Variants in P2RY8 observed in about 807,000 individuals in gnomAD.
P2RY8 encodes P2Y receptor family member 8.
P2RY8 carries 6 observed loss-of-function variants against 10.0 expected under a neutral mutation model. The observed-to-expected ratio is 0.60, with a 90% CI of 0.33 to 1.19. P2RY8 has a LOEUF of 1.19. P2RY8 is among the 50% of genes most tolerant of loss of function. The pLI is 0.04. For missense variants in P2RY8, 456 were observed against 542.0 expected (o/e 0.84, Z 1.58); for synonymous variants, 276 against 252.5 (o/e 1.09, Z -0.88).
chrX:1,520,016 C>G (rs1435754036), intron 1 of P2RY8, among the ~76,000 whole-genome samples: 1 of 150,988 alleles, frequency 6.6e-6, no homozygotes, highest in African/African-American at 2.4e-5. Context: ...AATAATCTCT[C>G]TGGTCCTCAA....
Position 1,465,999 on chromosome X carries a change from A to C in P2RY8, c.560T>G (p.Val187Gly). Reference protein sequence around the residue: ...DVLKWTMLPSVAMWAVFLFTI... With the variant: ...DVLKWTMLPSGAMWAVFLFTI... Reference sequence around the variant, plus strand: ...GAAGAGGAACACGGCCCACATGGCCACGCTGGGGAGCATCGTCCACTTGAG... The same window carrying C: ...GAAGAGGAACACGGCCCACATGGCCCCGCTGGGGAGCATCGTCCACTTGAG... Residue 187 changes from valine to glycine, a missense_variant, in exon 2 of 2, where the codon GTG becomes GGG. Val to Gly is a moderately radical substitution (Grantham distance 109). Coordinates refer to ENST00000381297, the MANE Select transcript of P2RY8 (RefSeq NM_178129.5). 1 of 1,612,212 alleles carries C rather than the reference A, an allele frequency of 6.2e-7. No individual in the cohort carries two copies.
rs1307304416 is a variant in P2RY8, at chrX:1,463,768, G to T, written c.*1711C>A. The stretch of plus-strand genomic sequence containing the variant: ...TCCTGGGGACTCCAGGCATCCCTGG[G>T]CTTGGGGCAGCATCACTTCAGTCTC... On this transcript the variant is annotated 3_prime_UTR_variant, in exon 2 of 2. Transcript: ENST00000381297. The T allele has an allele frequency of 9.9e-5, 23 of 233,042 alleles. No homozygotes were observed. The highest frequency in any genetic ancestry group is 4.9e-4 in the African/African-American group (22 of 45,266). 14.4% of individuals were successfully genotyped at this position (233,042 alleles called of 1,614,324 possible). A position where few individuals can be genotyped will look rare whatever the true frequency, so the allele number is the denominator to read the frequency against.
At position 1,465,420 on chromosome X, in the gene P2RY8, C is replaced by T; in HGVS notation, c.*59G>A. The T allele has an allele frequency of 1.3e-6, 2 of 1,538,982 alleles. No individual in the cohort carries two copies. The highest frequency in any genetic ancestry group is 2.3e-5 in the East Asian group (1 of 44,414). On this transcript the variant is annotated 3_prime_UTR_variant, in exon 2 of 2. Transcript: ENST00000381297. ...CTGAACCTCTGGCACCGTGGCCTCTCCATGCGCCCCTGGATCTCCAAGCTG... is the reference window on the plus strand; with the variant it reads ...CTGAACCTCTGGCACCGTGGCCTCTTCATGCGCCCCTGGATCTCCAAGCTG...
At position 1,465,430 on chromosome X, in the gene P2RY8, C is replaced by T. The variant is rs770791439; in HGVS notation, c.*49G>A. On this transcript the variant is annotated 3_prime_UTR_variant, in exon 2 of 2. Coordinates refer to ENST00000381297, the MANE Select transcript of P2RY8 (RefSeq NM_178129.5). ...GGCACCGTGGCCTCTCCATGCGCCC[C>T]TGGATCTCCAAGCTGCGCCCCCGGC... 2.6e-6 allele frequency: 4 copies of T among 1,552,020 alleles called. No homozygotes were observed. Among genetic ancestry groups the T allele is most frequent in the African/African-American group, 2.7e-5 (2 of 73,286 alleles).
intron 1 of P2RY8, among the ~76,000 whole-genome samples, chrX:1,528,193 G>C (rs1297780764): frequency 1.3e-5 from 2 of 152,216 alleles, no homozygotes; most frequent in African/African-American, 4.8e-5. Context: ...CACTGTAGAT[G>C]GACAACAGCG....
chrX:1,523,636 A>G (rs2092408873), intron 1 of P2RY8, among the ~76,000 whole-genome samples: 1 of 152,166 alleles, frequency 6.6e-6, no homozygotes, highest in Non-Finnish European at 1.5e-5. Flanking sequence ...AACACTCTGA[A>G]CGAGCTAAAT....
chrX:1,508,704 T>TCCATCCATCCATCCATCTA (rs1201683452), intron 1 of P2RY8, among the ~76,000 whole-genome samples: 1 of 111,974 alleles, frequency 8.9e-6, no homozygotes, highest in Non-Finnish European at 2.0e-5. Flanking sequence ...CATCCATCCA[T>TCCATCCATCCATCCATCTA]TCTATCTATC....
intron 1 of P2RY8, among the ~76,000 whole-genome samples, chrX:1,507,982 G>A (rs1161640606): frequency 6.6e-6 from 1 of 152,058 alleles, no homozygotes; most frequent in East Asian, 1.9e-4. Context: ...TCCCTCAGGA[G>A]ACCTCCCTGC....
chrX:1,535,087 T>C (rs1308622690), intron 1 of P2RY8, among the ~76,000 whole-genome samples: 8 of 151,846 alleles, frequency 5.3e-5, no homozygotes, highest in African/African-American at 1.9e-4. Context: ...GAGGCCAATA[T>C]TTGGGAAAAG....
At chrX:1,524,387 A>C (rs866026065) in intron 1 of P2RY8, among the ~76,000 whole-genome samples, 1,528 of 121,024 alleles carry the variant, frequency 0.013, 87 homozygotes, top group African/African-American at 0.033. Flanking sequence ...CCATCCATCC[A>C]TCCATCCCTC....
At chrX:1,476,623 T>G (rs1373661581) in intron 1 of P2RY8, among the ~76,000 whole-genome samples, 1 of 151,446 alleles carries the variant, frequency 6.6e-6, no homozygotes, top group South Asian at 2.1e-4. Flanking sequence ...ATGGGTCATA[T>G]AGATGTTTGA....
intron 1 of P2RY8, among the ~76,000 whole-genome samples, chrX:1,516,216 C>CAAA (rs112983650): frequency 0.6 from 86,037 of 144,222 alleles, 26,137 homozygotes; most frequent in East Asian, 0.75. Flanking sequence ...AAAACAACAA[C>CAAA]AAAAAAAAAA....
chrX:1,500,984 C>A (rs2092173208), intron 1 of P2RY8, among the ~76,000 whole-genome samples: 3 of 152,188 alleles, frequency 2.0e-5, no homozygotes, highest in South Asian at 2.1e-4. Flanking sequence ...CTGGGGCCGC[C>A]TGTCTGGCCC....
At chrX:1,468,234 G>A (rs1219900224) in intron 1 of P2RY8, among the ~76,000 whole-genome samples, 2 of 152,212 alleles carry the variant, frequency 1.3e-5, no homozygotes, top group South Asian at 4.1e-4. Flanking sequence ...AACACACCTG[G>A]GCTGGAATTT....
At chrX:1,499,163 CTT>C (rs1163119480) in intron 1 of P2RY8, among the ~76,000 whole-genome samples, 10 of 48,442 alleles carry the variant, frequency 2.1e-4, no homozygotes, top group Non-Finnish European at 2.7e-4. Flanking sequence ...TTTTTCTTTT[CTT>C]TTTTTTTTTT....
intron 1 of P2RY8, among the ~76,000 whole-genome samples, chrX:1,483,910 C>T (rs1340316390): frequency 6.6e-6 from 1 of 151,536 alleles, no homozygotes; most frequent in African/African-American, 2.4e-5. Flanking sequence ...AAACCCAAAC[C>T]TGAGCTCCCT....
chrX:1,472,204 T>C (rs1316982783), intron 1 of P2RY8, among the ~76,000 whole-genome samples: 21 of 151,952 alleles, frequency 1.4e-4, no homozygotes, highest in African/African-American at 5.1e-4. Flanking sequence ...TCTATGTCAT[T>C]AGTGAAGTCA....
intron 1 of P2RY8, among the ~76,000 whole-genome samples, chrX:1,524,826 C>T (rs2092428479): frequency 1.6e-5 from 2 of 127,336 alleles, no homozygotes; most frequent in Non-Finnish European, 3.4e-5. Context: ...TCCATCCATC[C>T]ATCCATCCAT....
At chrX:1,485,012 A>G (rs2091974525) in intron 1 of P2RY8, among the ~76,000 whole-genome samples, 1 of 86,698 alleles carries the variant, frequency 1.2e-5, no homozygotes. Flanking sequence ...TTTTTTTTTT[A>G]GAGACAGGAT....
Sources: allele counts gnomAD v4.1 joint callset (sites outside exome capture counted in the v4.1 genomes callset), GRCh38; gene constraint gnomAD v4.1.1; transcripts MANE v1.5; gene names NCBI Gene and HGNC (gene_info 2026-07-23, HGNC 2026-07-21).